The following PARVB variants were observed in gnomAD, a reference collection of about 807,000 sequenced individuals.
PARVB encodes parvin beta, also known as beta-parvin.
A neutral mutation model predicts 47.0 loss-of-function variants in PARVB; 46 were observed. That is an observed-to-expected ratio of 0.98 (90% CI 0.77 to 1.25). The LOEUF (loss-of-function observed/expected upper bound fraction) is 1.25, where lower values mean the gene tolerates loss of function less well. PARVB is among the 50% of genes most tolerant of loss of function. The probability of loss-of-function intolerance (pLI) is 0.00; values close to 1 mark genes in which losing one functional copy is unlikely to be tolerated. For synonymous variants in PARVB, 196 were observed against 196.3 expected (o/e 1.00, Z 0.01); for missense variants, 473 against 471.6 (o/e 1.00, Z -0.03).
At chr22:44,084,877 C>T (rs1030862872) in intron 1 of PARVB, among the ~76,000 whole-genome samples, 3 of 152,210 alleles carry the variant, frequency 2.0e-5, no homozygotes, top group African/African-American at 7.2e-5. Flanking sequence ...CCCACTGCAC[C>T]CTGTACATAA....
chr22:44,136,238 G>A (rs1478433131), intron 6 of PARVB, among the ~76,000 whole-genome samples: 1 of 152,170 alleles, frequency 6.6e-6, no homozygotes, highest in African/African-American at 2.4e-5. Flanking sequence ...CAGAGGGTGG[G>A]GAGGAGGATA....
At chr22:44,042,290 G>A (rs949345304) in intron 1 of PARVB, among the ~76,000 whole-genome samples, 42 of 152,158 alleles carry the variant, frequency 2.8e-4, no homozygotes, top group African/African-American at 8.0e-4. Flanking sequence ...GCCTGGTGGT[G>A]GGTGCCTGTA....
chr22:44,093,123 G>A (rs1369232328), intron 1 of PARVB, among the ~76,000 whole-genome samples: 1 of 152,232 alleles, frequency 6.6e-6, no homozygotes, highest in East Asian at 1.9e-4. Context: ...GGCTGAGGCT[G>A]TGACTGTGGA....
chr22:44,080,333 T>A (rs1289971067), intron 1 of PARVB, among the ~76,000 whole-genome samples: 2 of 152,214 alleles, frequency 1.3e-5, no homozygotes, highest in Admixed American at 6.5e-5. Context: ...AACATCAAGG[T>A]GGCAGCAGGG....
At chr22:44,114,753 T>TACTA (rs2052824173) in intron 3 of PARVB, 1 of 102,098 alleles carries the variant, frequency 9.8e-6, no homozygotes, top group African/African-American at 4.1e-5. Flanking sequence ...GATACATTGT[T>TACTA]ACTAAGGCCC....
intron 1 of PARVB, among the ~76,000 whole-genome samples, chr22:44,030,177 C>G (rs1555893778): frequency 6.6e-6 from 1 of 152,196 alleles, no homozygotes; most frequent in Non-Finnish European, 1.5e-5. Flanking sequence ...CCCCGCCTTT[C>G]CCCCCAGCAA....
chr22:44,126,760 A>AT (rs1259959426), intron 4 of PARVB, among the ~76,000 whole-genome samples: 5 of 152,154 alleles, frequency 3.3e-5, no homozygotes, highest in African/African-American at 1.2e-4. Context: ...GTTCACTTTC[A>AT]TTTTTTATTT....
intron 1 of PARVB, among the ~76,000 whole-genome samples, chr22:44,036,548 T>C (rs1383222438): frequency 6.6e-6 from 1 of 152,144 alleles, no homozygotes; most frequent in African/African-American, 2.4e-5. Flanking sequence ...TCCAAAAAAT[T>C]TTCCAATATG....
chr22:44,012,428 G>C (rs9626090), intron 2 of PARVB, among the ~76,000 whole-genome samples: 1 of 152,136 alleles, frequency 6.6e-6, no homozygotes, highest in African/African-American at 2.4e-5. Context: ...TAAAATTCTA[G>C]GCAAGTCTGG....
chr22:44,120,591 C>T (rs2053022127), intron 4 of PARVB, among the ~76,000 whole-genome samples: 1 of 152,156 alleles, frequency 6.6e-6, no homozygotes, highest in South Asian at 2.1e-4. Flanking sequence ...GTGGTGCTGA[C>T]AGTTTGATCA....
intron 3 of PARVB, 137 bp from the exon 4 acceptor site, chr22:44,118,901 G>A (rs1601632288): frequency 1.5e-6 from 1 of 674,010 alleles, no homozygotes; most frequent in East Asian, 2.7e-5. Context: ...GAGCTGTGCA[G>A]CCTCTGTCCC....
intron 1 of PARVB, among the ~76,000 whole-genome samples, chr22:44,025,928 G>A (rs2050720928): frequency 6.6e-6 from 1 of 152,204 alleles, no homozygotes; most frequent in South Asian, 2.1e-4. Context: ...TTGCTTTCGT[G>A]GAACGGGGAA....
chr22:44,007,714 AC>A (rs2050480603), intron 2 of PARVB, among the ~76,000 whole-genome samples: 1 of 152,162 alleles, frequency 6.6e-6, no homozygotes, highest in Admixed American at 6.5e-5. Flanking sequence ...TTTGAGGTCT[AC>A]AGTTCCGTGG....
At chr22:44,142,758 T>C (rs914977094) in intron 8 of PARVB, 8 of 152,246 alleles carry the variant, frequency 5.3e-5, no homozygotes, top group African/African-American at 1.7e-4. Flanking sequence ...AAGAGGCCGA[T>C]GGAATTGTTC....
intron 6 of PARVB, among the ~76,000 whole-genome samples, chr22:44,135,301 C>T (rs1033004867): frequency 6.6e-6 from 1 of 152,122 alleles, no homozygotes; most frequent in African/African-American, 2.4e-5. Context: ...CTGTGTCACC[C>T]AGGCTGGAGT....
intron 4 of PARVB, among the ~76,000 whole-genome samples, chr22:44,126,635 G>T (rs1386192352): frequency 6.6e-6 from 1 of 152,206 alleles, no homozygotes; most frequent in Non-Finnish European, 1.5e-5. Flanking sequence ...TGGATGTGAA[G>T]ATTGGGCTGT....
rs762526652 is a variant in PARVB, at chr22:44,147,879, C to T, written c.731C>T (p.Thr244Met). The T allele has an allele frequency of 6.8e-6, 11 of 1,614,068 alleles. No homozygotes were observed. Among genetic ancestry groups the T allele is most frequent in the East Asian group, 2.2e-5 (1 of 44,868 alleles). Reference sequence around the variant, plus strand: ...TCCTCAGAGCGGGATGCCTTCGACACGCTGTTCGACCACGCCCCGGATAAG... The same window carrying T: ...TCCTCAGAGCGGGATGCCTTCGACATGCTGTTCGACCACGCCCCGGATAAG... ...MGRFERDAFD[T>M]LFDHAPDKLS... The change falls in exon 9 of 13, where the codon ACG (threonine) becomes ATG (methionine). Residue 244 changes from threonine (T) to methionine (M), a missense_variant. Coordinates refer to ENST00000338758, the MANE Select transcript of PARVB (RefSeq NM_013327.5).
At chr22:44,119,196 G>C in intron 4 of PARVB, 56 bp downstream of exon 4, 1 of 1,251,476 alleles carries the variant, frequency 8.0e-7, no homozygotes. Context: ...CAGCGGCCCT[G>C]GGCTGGGCCA....
intron 1 of PARVB, among the ~76,000 whole-genome samples, chr22:44,062,651 A>G (rs2051442037): frequency 6.6e-6 from 1 of 151,998 alleles, no homozygotes; most frequent in Non-Finnish European, 1.5e-5. Context: ...AAAAAAAAAA[A>G]AGAACTCAGG....
Sources: allele counts gnomAD v4.1 joint callset (sites outside exome capture counted in the v4.1 genomes callset), GRCh38; gene constraint gnomAD v4.1.1; transcripts MANE v1.5; gene names NCBI Gene and HGNC (gene_info 2026-07-23, HGNC 2026-07-21).